Variants in GYS2 observed in about 807,000 individuals in gnomAD.
GYS2 encodes the protein glycogen synthase 2, also known as glycogen [starch] synthase, liver.
In GYS2, 80 loss-of-function variants were observed where a neutral mutation model predicts 85.6. That is an observed-to-expected ratio of 0.93 (90% CI 0.78 to 1.13). The LOEUF is 1.13. Ranked by LOEUF, GYS2 falls within the 50% of genes most tolerant of loss-of-function variation. The probability of loss-of-function intolerance (pLI) is 0.00; values close to 1 mark genes in which losing one functional copy is unlikely to be tolerated. For missense variants in GYS2, 881 were observed against 854.9 expected, an observed-to-expected ratio of 1.03 and a Z score of -0.38; for synonymous variants, 328 against 300.7, an observed-to-expected ratio of 1.09 and a Z score of -0.94.
intron 15 of GYS2, among the ~76,000 whole-genome samples, chr12:21,537,761 C>T (rs977307158): frequency 6.6e-6 from 1 of 152,118 alleles, no homozygotes; most frequent in Non-Finnish European, 1.5e-5. Context: ...GAGAAAATAT[C>T]ACTAGACTTT....
intron 7 of GYS2, among the ~76,000 whole-genome samples, chr12:21,562,644 GGGAGAA>G: frequency 8.4e-5 from 1 of 11,950 alleles, no homozygotes; most frequent in Non-Finnish European, 2.4e-4. Flanking sequence ...AACATAGAAG[GGGAGAA>G]TGGGATAAGC....
chr12:21,577,852 AC>A (rs1258348755), intron 2 of GYS2, among the ~76,000 whole-genome samples: 3 of 152,256 alleles, frequency 2.0e-5, no homozygotes, highest in Non-Finnish European at 4.4e-5. Context: ...CATATAAAAC[AC>A]CTTTGAAATG....
At chr12:21,562,082 T>C (rs1463235674) in intron 7 of GYS2, among the ~76,000 whole-genome samples, 4 of 152,316 alleles carry the variant, frequency 2.6e-5, no homozygotes, top group Middle Eastern at 3.4e-3. Context: ...CATGGTATCT[T>C]TTTTTATAGT....
At chr12:21,582,397 T>A (rs1180338770) in intron 1 of GYS2, among the ~76,000 whole-genome samples, 1 of 152,136 alleles carries the variant, frequency 6.6e-6, no homozygotes, top group Non-Finnish European at 1.5e-5. Context: ...TGGCTTGGCA[T>A]CCCAGCCTAC....
At chr12:21,599,855 A>C (rs1944735486) in intron 1 of GYS2, among the ~76,000 whole-genome samples, 1 of 152,192 alleles carries the variant, frequency 6.6e-6, no homozygotes, top group African/African-American at 2.4e-5. Flanking sequence ...TTTTATAAAG[A>C]AATAAGCTAA....
chr12:21,584,701 G>A (rs143505029), intron 1 of GYS2, among the ~76,000 whole-genome samples: 504 of 152,310 alleles, frequency 3.3e-3, no homozygotes, highest in Non-Finnish European at 5.5e-3. Context: ...TTCCATCATG[G>A]AAAGGGCAGA....
chr12:21,569,931 T>C (rs1346160740), intron 4 of GYS2, among the ~76,000 whole-genome samples: 1 of 152,180 alleles, frequency 6.6e-6, no homozygotes, highest in Non-Finnish European at 1.5e-5. Context: ...GAAGGTCACA[T>C]TGCTATTAAG....
intron 4 of GYS2, 91 bp from the exon 5 acceptor site, chr12:21,569,100 C>A: frequency 7.5e-7 from 1 of 1,329,452 alleles, no homozygotes; most frequent in East Asian, 2.3e-5. Context: ...AGTGGCTTAC[C>A]TCAAGGCTGT....
chr12:21,578,532 A>T (rs1303817534), intron 2 of GYS2, among the ~76,000 whole-genome samples: 1 of 152,148 alleles, frequency 6.6e-6, no homozygotes, highest in African/African-American at 2.4e-5. Context: ...AACATGTCCA[A>T]AAATTCCTTG....
In GYS2 at chr12:21,536,735, G is replaced by T. The variant is rs1382943504; in HGVS notation, c.*219C>A. ...GCCTTTAATGAGTGCTCCTCCTCAT[G>T]CCTAACTTTATGGGGGAAACAAGAG... On this transcript the variant is annotated 3_prime_UTR_variant, in exon 16 of 16. Transcript: ENST00000261195. 5 of 579,488 alleles carry T rather than the reference G, an allele frequency of 8.6e-6. No homozygotes were observed. The highest frequency in any genetic ancestry group is 1.5e-5 in the Non-Finnish European group (5 of 326,450). 35.9% of individuals were successfully genotyped at this position (579,488 alleles called of 1,614,324 possible).
chr12:21,572,945 A>G (rs909855621), intron 4 of GYS2, among the ~76,000 whole-genome samples: 8 of 152,204 alleles, frequency 5.3e-5, no homozygotes, highest in Non-Finnish European at 4.4e-5. Flanking sequence ...CCAGCTTATC[A>G]CAGATCACTG....
At chr12:21,569,095 C>G in intron 4 of GYS2, 86 bp from the exon 5 acceptor site, 6 of 1,389,644 alleles carry the variant, frequency 4.3e-6, no homozygotes, top group East Asian at 2.3e-5. Flanking sequence ...CACCAAGTGG[C>G]TTACCTCAAG....
chr12:21,545,248 G>T (rs1466253261), intron 12 of GYS2, among the ~76,000 whole-genome samples: 1 of 152,216 alleles, frequency 6.6e-6, no homozygotes, highest in Non-Finnish European at 1.5e-5. Flanking sequence ...TTTGAGACCA[G>T]CCTGGCCAAC....
rs776853726 is a variant in GYS2, at chr12:21,560,376, G to A, written c.1169+10C>T. ...TATTGCTAGAGAACATTCACAGGTT[G>A]TGAGATTACCACAGCTGTTTTCGCA... On this transcript the variant is annotated intron_variant, in intron 8 of 15. Coordinates refer to ENST00000261195, the MANE Select transcript of GYS2 (RefSeq NM_021957.4). 6.4e-6 allele frequency: 9 copies of A among 1,410,506 alleles called. No individual in the cohort carries two copies. The highest frequency in any genetic ancestry group is 2.8e-5 in the African/African-American group (2 of 71,050). 87.4% of individuals were successfully genotyped at this position (1,410,506 alleles called of 1,614,324 possible). A position where few individuals can be genotyped will look rare whatever the true frequency, so the allele number is the denominator to read the frequency against.
At chr12:21,569,837 A>G (rs1944365642) in intron 4 of GYS2, among the ~76,000 whole-genome samples, 2 of 152,198 alleles carry the variant, frequency 1.3e-5, no homozygotes, top group South Asian at 4.1e-4. Flanking sequence ...AACATATTTA[A>G]TTCTTATAAA....
chr12:21,594,676 G>C (rs919339106), intron 1 of GYS2, among the ~76,000 whole-genome samples: 7 of 151,954 alleles, frequency 4.6e-5, no homozygotes, highest in African/African-American at 1.7e-4. Flanking sequence ...ACTACCCAAA[G>C]CAATCTACAG....
At position 21,604,831 on chromosome 12, in the gene GYS2, C is replaced by G. The variant is rs1944789743; in HGVS notation, c.-239G>C. ...TGGGCAGGTATTGTGAGGACGGTAT[C>G]TGCCCTGTCAGTATCTACCCAAACA... is the stretch of plus-strand genomic sequence containing the variant. On this transcript the variant is annotated 5_prime_UTR_variant, in exon 1 of 16. Coordinates refer to ENST00000261195, the MANE Select transcript of GYS2 (RefSeq NM_021957.4). 3.9e-6 allele frequency: 5 copies of G among 1,278,948 alleles called. No individual in the cohort carries two copies. The East Asian group carries it at 2.0e-4, about 50-fold the overall frequency. The allele number at this position is 1,278,948 out of a possible 1,614,324, so 79.2% of individuals were successfully genotyped here.
chr12:21,578,554 A>C (rs1372074017), intron 2 of GYS2, among the ~76,000 whole-genome samples: 10 of 152,164 alleles, frequency 6.6e-5, no homozygotes, highest in Non-Finnish European at 4.4e-5. Context: ...ACACTTTTTC[A>C]GAACTTCTTT....
chr12:21,583,038 T>C (rs924866913), intron 1 of GYS2, among the ~76,000 whole-genome samples: 10 of 152,206 alleles, frequency 6.6e-5, no homozygotes, highest in African/African-American at 2.2e-4. Context: ...CTCAGGAGTA[T>C]ATCAACTCTC....
Sources: gnomAD v4.1 joint callset for allele counts (sites outside exome capture counted in the v4.1 genomes callset) on GRCh38, gnomAD v4.1.1 for gene constraint, MANE v1.5 for transcripts, NCBI Gene and HGNC (gene_info 2026-07-23, HGNC 2026-07-21) for gene names.